PHKB: variants seen among roughly 807,000 people sequenced by gnomAD.
PHKB encodes the protein phosphorylase kinase regulatory subunit beta.
In PHKB, 122 loss-of-function variants were observed where a neutral mutation model predicts 152.1. The observed-to-expected ratio is 0.80, with a 90% CI of 0.69 to 0.93. PHKB has a LOEUF of 0.93. Among genes scored for constraint, PHKB ranks in the 40% least tolerant of loss-of-function variants. The probability of loss-of-function intolerance (pLI) is 0.00; values close to 1 mark genes in which losing one functional copy is unlikely to be tolerated. For missense variants in PHKB, 1,304 were observed against 1,328.4 expected, an observed-to-expected ratio of 0.98 and a Z score of 0.29; for synonymous variants, 436 against 464.9, an observed-to-expected ratio of 0.94 and a Z score of 0.80.
intron 1 of PHKB, among the ~76,000 whole-genome samples, chr16:47,472,578 C>T (rs1969790029): frequency 6.6e-6 from 1 of 152,058 alleles, no homozygotes; most frequent in Middle Eastern, 3.2e-3. Context: ...ATCAGGAGAT[C>T]GAGACCATTC....
chr16:47,591,807 A>T (rs1302101645), intron 10 of PHKB, among the ~76,000 whole-genome samples: 1 of 152,086 alleles, frequency 6.6e-6, no homozygotes, highest in Admixed American at 6.5e-5. Context: ...CGAGCCCTAT[A>T]CCTGAGAGTC....
At chr16:47,666,477 C>T (rs1973541318) in intron 25 of PHKB, among the ~76,000 whole-genome samples, 1 of 152,212 alleles carries the variant, frequency 6.6e-6, no homozygotes, top group Non-Finnish European at 1.5e-5. Context: ...AGATCCCCTG[C>T]CCCAGGCCAT....
At chr16:47,688,223 A>G (rs1973998579) in intron 26 of PHKB, among the ~76,000 whole-genome samples, 1 of 152,176 alleles carries the variant, frequency 6.6e-6, no homozygotes, top group Non-Finnish European at 1.5e-5. Flanking sequence ...CTGCTGTGTG[A>G]ACTAATTCCC....
chr16:47,623,880 A>T (rs1273416067), intron 14 of PHKB, among the ~76,000 whole-genome samples: 2 of 152,094 alleles, frequency 1.3e-5, no homozygotes, highest in East Asian at 1.9e-4. Context: ...TTTGTTATAG[A>T]TAAACCTTAA....
rs375231703 is a variant in PHKB, at chr16:47,666,070, T to A, written c.2427+1095T>A. The stretch of plus-strand genomic sequence containing the variant: ...TTTTCAGACACTTATTTGGTCCCGG[T>A]TGCAAAGATTTCTGGCTAGGACCCT... On this transcript the variant is annotated intron_variant, in intron 25 of 30. Transcript: ENST00000323584. 2.8e-6 allele frequency: 4 copies of A among 1,437,126 alleles called. No homozygotes were observed. In the African/African-American group the frequency reaches 4.2e-5, roughly 15 times the overall value. 89.0% of individuals were successfully genotyped at this position (1,437,126 alleles called of 1,614,324 possible).
At chr16:47,464,347 A>G (rs1969630309) in intron 1 of PHKB, among the ~76,000 whole-genome samples, 2 of 152,182 alleles carry the variant, frequency 1.3e-5, no homozygotes, top group East Asian at 3.8e-4. Flanking sequence ...AAATTAGGAA[A>G]TTTTGGTCAA....
intron 7 of PHKB, chr16:47,547,765 C>A: frequency 2.0e-6 from 1 of 505,636 alleles, no homozygotes; most frequent in East Asian, 3.8e-5. Context: ...GGTGTCTTTC[C>A]CAACCTCCCA....
chr16:47,691,379 C>G (rs1974056989), intron 27 of PHKB, among the ~76,000 whole-genome samples: 1 of 152,042 alleles, frequency 6.6e-6, no homozygotes, highest in African/African-American at 2.4e-5. Context: ...TGTTTACTCC[C>G]TGGTTTTATA....
intron 14 of PHKB, among the ~76,000 whole-genome samples, chr16:47,633,256 TTGTTGGGTATGC>T (rs1165009793): frequency 6.6e-6 from 1 of 152,198 alleles, no homozygotes; most frequent in Non-Finnish European, 1.5e-5. Flanking sequence ...TTGCAAACAT[TTGTTGGGTATGC>T]TCAAGGGAAG....
chr16:47,665,070 G>T, intron 25 of PHKB, 95 bp downstream of exon 25: 1 of 782,318 alleles, frequency 1.3e-6, no homozygotes, highest in South Asian at 1.4e-5. Flanking sequence ...CTTATAGTGT[G>T]TGGGTGAAAG....
chr16:47,698,573 G>C lies in PHKB; in HGVS notation c.3129G>C (p.Lys1043Asn). 2 of 1,468,672 alleles carry C rather than the reference G, an allele frequency of 1.4e-6. No homozygotes were observed. Among genetic ancestry groups the C allele is most frequent in the Non-Finnish European group, 1.9e-6 (2 of 1,072,938 alleles). The allele number at this position is 1,468,672 out of a possible 1,614,324, so 91.0% of individuals were successfully genotyped here. The change falls in exon 30 of 31, where the codon AAG (lysine) becomes AAC (asparagine). Residue 1043 changes from lysine to asparagine, a missense_variant. Physicochemically the swap from Lys to Asn is moderately conservative, Grantham distance 94. Transcript: ENST00000323584. ...NEFQKDQSRLKEIEKQDDMTS... is the reference protein window; with the variant it reads ...NEFQKDQSRLNEIEKQDDMTS... ...TTCAAAAAGATCAGAGTCGGCTAAAGGAAATTGAAAAACAAGTAAGTACAC... is the reference window on the plus strand; with the variant it reads ...TTCAAAAAGATCAGAGTCGGCTAAACGAAATTGAAAAACAAGTAAGTACAC...
intron 14 of PHKB, among the ~76,000 whole-genome samples, chr16:47,618,812 CAT>C (rs1390581141): frequency 6.6e-6 from 1 of 152,120 alleles, no homozygotes; most frequent in Non-Finnish European, 1.5e-5. Flanking sequence ...GAAAACAAGT[CAT>C]GTGTTTAGAA....
chr16:47,611,331 G>A (rs563621150), intron 14 of PHKB, among the ~76,000 whole-genome samples: 16 of 152,320 alleles, frequency 1.1e-4, no homozygotes, highest in South Asian at 4.1e-4. Flanking sequence ...ACTTGGTGAC[G>A]TGTTGGGCAA....
At chr16:47,624,509 A>T (rs1170747392) in intron 14 of PHKB, among the ~76,000 whole-genome samples, 2 of 152,176 alleles carry the variant, frequency 1.3e-5, no homozygotes, top group Non-Finnish European at 2.9e-5. Flanking sequence ...ACATGCCAAG[A>T]TCATTGCTTC....
chr16:47,568,296 G>A (rs1274489739), intron 7 of PHKB, among the ~76,000 whole-genome samples: 1 of 152,102 alleles, frequency 6.6e-6, no homozygotes, highest in African/African-American at 2.4e-5. Context: ...TCCATTTCCT[G>A]TAGATTTTCT....
Position 47,641,602 on chromosome 16 carries a change from T to G in PHKB, c.1518T>G (p.Leu506=). Reference sequence around the variant, plus strand: ...TTTTTATCCCTATGATCTTTAGACTTCAAGTTTTTCTGAACACATATGGTA... The same window carrying G: ...TTTTTATCCCTATGATCTTTAGACTGCAAGTTTTTCTGAACACATATGGTA... ...HVALIAESQR[L]QVFLNTYGIQ... The change falls in exon 16 of 31, where the codon CTT becomes CTG. Residue 506 remains leucine (L), a synonymous_variant. Coordinates refer to ENST00000323584, the MANE Select transcript of PHKB (RefSeq NM_000293.3). 1.9e-6 allele frequency: 3 copies of G among 1,552,286 alleles called. No homozygotes were observed. The highest frequency in any genetic ancestry group is 2.7e-6 in the Non-Finnish European group (3 of 1,123,540).
intron 14 of PHKB, among the ~76,000 whole-genome samples, chr16:47,630,413 C>T (rs775291699): frequency 6.6e-6 from 1 of 151,236 alleles, no homozygotes; most frequent in Non-Finnish European, 1.5e-5. Flanking sequence ...ACCTGGGAGG[C>T]AGAGGTTGCA....
At chr16:47,567,668 G>A (rs1441584429) in intron 7 of PHKB, among the ~76,000 whole-genome samples, 1 of 152,158 alleles carries the variant, frequency 6.6e-6, no homozygotes, top group Admixed American at 6.5e-5. Flanking sequence ...GATGTTGGCT[G>A]TGGATTTGTC....
chr16:47,609,113 G>A (rs1972379728), intron 13 of PHKB, among the ~76,000 whole-genome samples: 1 of 152,096 alleles, frequency 6.6e-6, no homozygotes, highest in Non-Finnish European at 1.5e-5. Context: ...TTTATTCAAG[G>A]ATGTTGAATT....
Sources: allele counts gnomAD v4.1 joint callset (sites outside exome capture counted in the v4.1 genomes callset), GRCh38; gene constraint gnomAD v4.1.1; transcripts MANE v1.5; gene names NCBI Gene and HGNC (gene_info 2026-07-23, HGNC 2026-07-21).